The following ZNF222 variants were observed in gnomAD, a reference collection of about 807,000 sequenced individuals.
ZNF222 encodes the protein zinc finger protein 222.
A neutral mutation model predicts 11.6 loss-of-function variants in ZNF222; 8 were observed. That is an observed-to-expected ratio of 0.69 (90% confidence interval 0.41 to 1.25). ZNF222 has a LOEUF of 1.25. Ranked by LOEUF, ZNF222 falls within the 50% of genes most tolerant of loss-of-function variation. The probability of loss-of-function intolerance (pLI) is 0.01; values close to 1 mark genes in which losing one functional copy is unlikely to be tolerated. For synonymous variants in ZNF222, 171 were observed against 195.6 expected (o/e 0.87, Z 1.05); for missense variants, 483 against 576.1 (o/e 0.84, Z 1.65).
At chr19:44,026,450 G>GGCCT (rs1260391603) in intron 1 of ZNF222, among the ~76,000 whole-genome samples, 2 of 152,020 alleles carry the variant, frequency 1.3e-5, no homozygotes, top group Non-Finnish European at 2.9e-5. Flanking sequence ...GCAAGGCTCA[G>GGCCT]GGGCTTGGAC....
Position 44,025,977 on chromosome 19 carries a change from G to A in ZNF222, c.42+499G>A. The A allele has an allele frequency of 6.4e-7, 1 of 1,569,426 alleles. No individual in the cohort carries two copies. Among genetic ancestry groups the A allele is most frequent in the East Asian group, 2.3e-5 (1 of 44,084 alleles). On this transcript the variant is annotated intron_variant, in intron 1 of 3. Transcript: ENST00000391960. This position sits in a 1 kb window ranked among gnomAD's most constrained non-coding sequence, Gnocchi z 4.6. Reference sequence around the variant, plus strand: ...AGTGAGGGGAGCATTTAACTTTTATGGGGGACGGCAAAACGGTCAGGGTGT... The same window carrying A: ...AGTGAGGGGAGCATTTAACTTTTATAGGGGACGGCAAAACGGTCAGGGTGT...
intron 3 of ZNF222, among the ~76,000 whole-genome samples, chr19:44,030,747 G>T (rs578163671): frequency 6.6e-6 from 1 of 152,272 alleles, no homozygotes; most frequent in African/African-American, 2.4e-5. Flanking sequence ...AATTACTGGG[G>T]CTCCAATTTC....
At chr19:44,026,007 C>G (rs1032893334) in intron 1 of ZNF222, 30 of 1,604,080 alleles carry the variant, frequency 1.9e-5, no homozygotes, top group Non-Finnish European at 2.4e-5. Flanking sequence ...GGGTGTTTCA[C>G]AGCTTTCTTT....
chr19:44,031,977 C>A lies in ZNF222; in HGVS notation c.423C>A (p.Ser141=), dbSNP rs556254348. ...TATTTGAACAAGATGACAACCCCTC[C>A]CAGATTAAAGCAAGACTATCTACAG... ...SQLFEQDDNP[S]QIKARLSTVH... The change falls in exon 4 of 4, where the codon TCC becomes TCA. Residue 141 remains serine, a synonymous_variant. Transcript: ENST00000391960. The A allele has an allele frequency of 1.9e-6, 3 of 1,614,190 alleles. No individual in the cohort carries two copies. The South Asian group carries it at 3.3e-5, about 18-fold the overall frequency.
intron 1 of ZNF222, among the ~76,000 whole-genome samples, chr19:44,026,552 A>ATT (rs1238495791): frequency 7.9e-6 from 1 of 126,660 alleles, no homozygotes; most frequent in African/African-American, 4.3e-5. Flanking sequence ...CTATATATAT[A>ATT]TATATTTTTT....
At position 44,032,600 on chromosome 19, in the gene ZNF222, G is replaced by A; in HGVS notation, c.1046G>A (p.Gly349Glu). 6.2e-7 allele frequency: 1 copy of A among 1,614,162 alleles called. No homozygotes were observed. Among genetic ancestry groups the A allele is most frequent in the Non-Finnish European group, 8.5e-7 (1 of 1,180,046 alleles). ...CATAAGCATCAGATGATTCATATGG[G>A]ACAGAAACCATATAATTGTAAAGAA... ...DLHKHQMIHM[G>E]QKPYNCKECG... The change falls in exon 4 of 4, where the codon GGA (glycine) becomes GAA (glutamate). Residue 349 changes from glycine to glutamate, a missense_variant. Coordinates refer to ENST00000391960, the MANE Select transcript of ZNF222 (RefSeq NM_001129996.2).
In ZNF222 at chr19:44,032,777, C is replaced by G. The variant is rs776871437; in HGVS notation, c.1223C>G (p.Ser408Cys). 7.4e-6 allele frequency: 12 copies of G among 1,614,098 alleles called. No individual in the cohort carries two copies. The South Asian group carries it at 1.3e-4, about 18-fold the overall frequency. Residue 408 changes from serine to cysteine, a missense_variant, in exon 4 of 4, where the codon TCT (serine) becomes TGT (cysteine). Transcript: ENST00000391960. ...CATAGAACCCACACGGGAGAGAGAT[C>G]TTATAACTGTGATAACTGCGGGAAG... Reference protein sequence around the residue: ...FHHRTHTGERSYNCDNCGKSF... With the variant: ...FHHRTHTGERCYNCDNCGKSF...
Position 44,025,512 on chromosome 19 carries a change from A to T in ZNF222, c.42+34A>T. 1 of 1,536,892 alleles carries T rather than the reference A, an allele frequency of 6.5e-7. No homozygotes were observed. The highest frequency in any genetic ancestry group is 8.8e-7 in the Non-Finnish European group (1 of 1,140,342). ...GGGCGCGGGCGGGGATTGCCGTTCC[A>T]GTCAGCTGAGCCTTCTGGCGTCGGG... On this transcript the variant is annotated intron_variant, in intron 1 of 3. Coordinates refer to ENST00000391960, the MANE Select transcript of ZNF222 (RefSeq NM_001129996.2). This position sits in a 1 kb window ranked among gnomAD's most constrained non-coding sequence, Gnocchi z 4.6.
At position 44,032,192 on chromosome 19, in the gene ZNF222, A is replaced by AT. The variant is rs1568504986; in HGVS notation, c.639dup (p.Lys214Ter). 2 of 1,614,236 alleles carry AT rather than the reference A, an allele frequency of 1.2e-6. No individual in the cohort carries two copies. Among genetic ancestry groups the AT allele is most frequent in the East Asian group, 2.2e-5 (1 of 44,884 alleles). ...AGGGTCCACATGGGAGTGAAATGCTATAAGTGTGATGTGTGTGGTAAGGAA... is the reference window on the plus strand; with the variant it reads ...AGGGTCCACATGGGAGTGAAATGCTATTAAGTGTGATGTGTGTGGTAAGGAA... On this transcript the variant is annotated frameshift_variant, in exon 4 of 4. Coordinates refer to ENST00000391960, the MANE Select transcript of ZNF222 (RefSeq NM_001129996.2). LOFTEE classifies it low-confidence loss of function (END_TRUNC).
In ZNF222 at chr19:44,025,651, T is replaced by C. The variant is rs1976342737; in HGVS notation, c.42+173T>C. On this transcript the variant is annotated intron_variant, in intron 1 of 3. Coordinates refer to ENST00000391960, the MANE Select transcript of ZNF222 (RefSeq NM_001129996.2). This position sits in a 1 kb window ranked among gnomAD's most constrained non-coding sequence, Gnocchi z 4.6. The stretch of plus-strand genomic sequence containing the variant: ...GTGTGCAGCCCCTTTCAGTGTGGTG[T>C]GGAGTGTCACTTAATGTCCGTTTAT... 1.3e-5 allele frequency among the ~76,000 whole-genome samples: 2 copies of C among 152,106 alleles called. No homozygotes were observed. The highest frequency in any genetic ancestry group is 4.8e-5 in the African/African-American group (2 of 41,414).
intron 1 of ZNF222, among the ~76,000 whole-genome samples, chr19:44,026,557 T>TATATA (rs202172451): frequency 3.5e-5 from 3 of 85,474 alleles, no homozygotes; most frequent in African/African-American, 2.2e-4. Flanking sequence ...TATATATATA[T>TATATA]TTTTTTTTTT....
Position 44,032,651 on chromosome 19 carries a change from C to T in ZNF222, c.1097C>T (p.Ser366Leu), listed in dbSNP as rs773950473. The change falls in exon 4 of 4, where the codon TCA (serine) becomes TTA (leucine). Residue 366 changes from serine (S) to leucine (L), a missense_variant. Transcript: ENST00000391960. Reference sequence around the variant, plus strand: ...TGTGGGAAGAGCTTCAAATGGTCCTCATATCTTTTGGTCCATCAACGAGTC... The same window carrying T: ...TGTGGGAAGAGCTTCAAATGGTCCTTATATCTTTTGGTCCATCAACGAGTC... ...KECGKSFKWS[S>L]YLLVHQRVHT... The T allele has an allele frequency of 5.0e-6, 8 of 1,614,126 alleles. No homozygotes were observed. Among genetic ancestry groups the T allele is most frequent in the Non-Finnish European group, 6.8e-6 (8 of 1,180,038 alleles).
rs10420280 is a variant in ZNF222 at position 44,028,103 on chromosome 19, C to T, written c.262+613C>T. On this transcript the variant is annotated intron_variant, in intron 3 of 3. Transcript: ENST00000391960. ...TGTCCACACTCCGTGGCTCTTGTTTCCCTTCCTCCATCTTCAAAAGCAGCT... is the reference window on the plus strand; with the variant it reads ...TGTCCACACTCCGTGGCTCTTGTTTTCCTTCCTCCATCTTCAAAAGCAGCT... The T allele has an allele frequency of 1.8e-3, 723 of 399,562 alleles. 4 individuals carry two copies. Among genetic ancestry groups the T allele is most frequent in the African/African-American group, 0.013 (618 of 48,754 alleles). 24.8% of individuals were successfully genotyped at this position (399,562 alleles called of 1,614,324 possible). A position where few individuals can be genotyped will look rare whatever the true frequency, so the allele number is the denominator to read the frequency against.
At position 44,032,834 on chromosome 19, in the gene ZNF222, A is replaced by G; in HGVS notation, c.1280A>G (p.His427Arg). ...SFRHASSILN[H>R]KKLHCQRKPL... is the part of the protein sequence containing the mutation. The stretch of plus-strand genomic sequence containing the variant: ...AGACATGCTTCTAGTATTTTGAATC[A>G]TAAGAAACTCCACTGCCAAAGAAAG... The change falls in exon 4 of 4, where the codon CAT becomes CGT. Residue 427 changes from histidine to arginine, a missense_variant. Physicochemically the swap from His to Arg is conservative, Grantham distance 29 (BLOSUM62 0). Transcript: ENST00000391960. 3 of 1,613,424 alleles carry G rather than the reference A, an allele frequency of 1.9e-6. No individual in the cohort carries two copies. The highest frequency in any genetic ancestry group is 1.1e-5 in the South Asian group (1 of 90,902).
chr19:44,026,467 A>G (rs1599857667), intron 1 of ZNF222, among the ~76,000 whole-genome samples: 1 of 151,892 alleles, frequency 6.6e-6, no homozygotes, highest in East Asian at 1.9e-4. Context: ...GGACTTCTAT[A>G]GGAGTTTTTG....
chr19:44,027,303 C>T, intron 2 of ZNF222, 95 bp from the exon 3 acceptor site: 2 of 1,560,268 alleles, frequency 1.3e-6, no homozygotes, highest in Non-Finnish European at 1.8e-6. Context: ...TGGTTTTTGT[C>T]ATTGGAAGTA....
chr19:44,026,641 G>A (rs1168451360), intron 1 of ZNF222, among the ~76,000 whole-genome samples: 1 of 151,012 alleles, frequency 6.6e-6, no homozygotes, highest in Non-Finnish European at 1.5e-5. Flanking sequence ...TCCGCCTCTC[G>A]GGTTCAAGTG....
Position 44,027,464 on chromosome 19 carries a change from C to T in ZNF222, c.236C>T (p.Thr79Ile). The T allele has an allele frequency of 6.2e-7, 1 of 1,614,022 alleles. No homozygotes were observed. Among genetic ancestry groups the T allele is most frequent in the Non-Finnish European group, 8.5e-7 (1 of 1,179,990 alleles). The change falls in exon 3 of 4, where the codon ACA (threonine) becomes ATA (isoleucine). Residue 79 changes from threonine to isoleucine, a missense_variant. Transcript: ENST00000391960. ...LREEKFWVMGTTSQREGNLGG... is the reference protein window; with the variant it reads ...LREEKFWVMGITSQREGNLGG... Reference sequence around the variant, plus strand: ...GAAGAAAAGTTTTGGGTGATGGGGACAACAAGCCAAAGAGAAGGGAATTTG... The same window carrying T: ...GAAGAAAAGTTTTGGGTGATGGGGATAACAAGCCAAAGAGAAGGGAATTTG...
intron 3 of ZNF222, among the ~76,000 whole-genome samples, chr19:44,031,241 A>G (rs907511344): frequency 1.3e-5 from 2 of 152,248 alleles, no homozygotes; most frequent in African/African-American, 2.4e-5. Flanking sequence ...AAATGTATAT[A>G]TTAATTTTTT....
Sources: allele counts gnomAD v4.1 joint callset (sites outside exome capture counted in the v4.1 genomes callset), GRCh38; gene constraint gnomAD v4.1.1; non-coding constraint Gnocchi (gnomAD v3.1); transcripts MANE v1.5; gene names NCBI Gene and HGNC (gene_info 2026-07-23, HGNC 2026-07-21).